The following EXPH5 variants were observed in gnomAD, a reference collection of about 807,000 sequenced individuals.
The protein encoded by EXPH5 is exophilin-5.
In EXPH5, 42 loss-of-function variants were observed where a neutral mutation model predicts 41.1. The observed-to-expected ratio is 1.02, with a 90% CI of 0.80 to 1.32. EXPH5 has a LOEUF of 1.32. Among genes scored for constraint, EXPH5 ranks in the 40% most tolerant of loss-of-function variants. EXPH5 has a pLI of 0.00. For missense variants in EXPH5, 2,298 were observed against 2,314.5 expected, an observed-to-expected ratio of 0.99 and a Z score of 0.15; for synonymous variants, 798 against 833.5, an observed-to-expected ratio of 0.96 and a Z score of 0.73.
chr11:108,511,333 C>A lies in EXPH5; in HGVS notation c.4174G>T (p.Glu1392Ter). 1.9e-6 allele frequency: 3 copies of A among 1,581,654 alleles called. No homozygotes were observed. The highest frequency in any genetic ancestry group is 2.6e-6 in the Non-Finnish European group (3 of 1,168,168). The change falls in exon 6 of 6, where the codon GAA becomes TAA. Residue 1392 changes from glutamate to a stop codon, truncating the protein, a stop_gained. Coordinates refer to ENST00000265843, the MANE Select transcript of EXPH5 (RefSeq NM_015065.3). LOFTEE classifies it low-confidence loss of function (END_TRUNC). ...AGCATCAATGAAGTATGCAGGGTTT[C>A]ACTTTGCAACTTTTTGCCTCTTTCC... ...KKERGKKLQS[E>*]TLHTSLMLQR... is the part of the protein sequence containing the mutation.
At chr11:108,583,461 G>A (rs1003407631) in intron 1 of EXPH5, among the ~76,000 whole-genome samples, 1 of 151,746 alleles carries the variant, frequency 6.6e-6, no homozygotes, top group African/African-American at 2.4e-5. Context: ...TGCAGAAAAA[G>A]CATTTAATAA....
intron 1 of EXPH5, among the ~76,000 whole-genome samples, chr11:108,553,284 G>T: frequency 6.6e-6 from 1 of 152,146 alleles, no homozygotes. Context: ...GAAGGAAAAG[G>T]TAAGTTATCT....
At chr11:108,537,904 TC>T (rs1565806100) in intron 3 of EXPH5, 2 of 832,238 alleles carry the variant, frequency 2.4e-6, no homozygotes, top group Non-Finnish European at 2.9e-6. Flanking sequence ...CAATTTTAAA[TC>T]CCCCAAATGT....
At chr11:108,518,522 G>A (rs1447017015) in intron 4 of EXPH5, 149 bp from the exon 5 acceptor site, 25 of 741,660 alleles carry the variant, frequency 3.4e-5, no homozygotes, top group Non-Finnish European at 4.4e-5. Flanking sequence ...AATTTATAAT[G>A]TGTTGTTTTT....
At chr11:108,518,552 C>T (rs2093742753) in intron 4 of EXPH5, among the ~76,000 whole-genome samples, 179 bp from the exon 5 acceptor site, 1 of 152,214 alleles carries the variant, frequency 6.6e-6, no homozygotes, top group African/African-American at 2.4e-5. Flanking sequence ...AACTGACCTG[C>T]AACTTCTCTA....
At chr11:108,532,367 T>TACA (rs61454000) in intron 3 of EXPH5, among the ~76,000 whole-genome samples, 1 of 20,370 alleles carries the variant, frequency 4.9e-5, no homozygotes, top group African/African-American at 3.1e-4. Flanking sequence ...TATATATATA[T>TACA]TTTTTTTTTT....
chr11:108,512,895 T>G lies in EXPH5; in HGVS notation c.2612A>C (p.Lys871Thr). The change falls in exon 6 of 6, where the codon AAG (lysine) becomes ACG (threonine). Residue 871 changes from lysine to threonine, a missense_variant. Lys to Thr is a moderately conservative substitution (Grantham distance 78). Transcript: ENST00000265843. Reference sequence around the variant, plus strand: ...CAGATCTAAAGAATCACACGAGGTCTTGTGGCCAGGAGTTAACTTGCATTT... The same window carrying G: ...CAGATCTAAAGAATCACACGAGGTCGTGTGGCCAGGAGTTAACTTGCATTT... ...YSKCKLTPGH[K>T]TSCDSLDLSS... The G allele has an allele frequency of 6.2e-7, 1 of 1,613,990 alleles. No homozygotes were observed. Among genetic ancestry groups the G allele is most frequent in the Non-Finnish European group, 8.5e-7 (1 of 1,179,948 alleles).
chr11:108,521,542 T>C (rs2093764965), intron 4 of EXPH5, among the ~76,000 whole-genome samples: 1 of 152,114 alleles, frequency 6.6e-6, no homozygotes, highest in Admixed American at 6.6e-5. Context: ...AGTAAACAAA[T>C]GTTAAAAGCA....
At chr11:108,573,415 GA>G (rs575605540) in intron 1 of EXPH5, among the ~76,000 whole-genome samples, 37 of 152,082 alleles carry the variant, frequency 2.4e-4, no homozygotes, top group African/African-American at 8.7e-4. Flanking sequence ...ATGGGAAGAG[GA>G]AAAAAACTGA....
chr11:108,607,315 A>G, the EXPH5 span, among the ~76,000 whole-genome samples: 1 of 152,204 alleles, frequency 6.6e-6, no homozygotes, highest in East Asian at 1.9e-4. Flanking sequence ...ATGTTTATTA[A>G]ATGTCTTATT....
intron 1 of EXPH5, among the ~76,000 whole-genome samples, chr11:108,577,656 C>T (rs1845745258): frequency 6.6e-6 from 1 of 152,154 alleles, no homozygotes; most frequent in Non-Finnish European, 1.5e-5. Flanking sequence ...CTCCTGACCT[C>T]AGGTAATCTG....
rs1555192497 is a variant in EXPH5 at position 108,532,339 on chromosome 11, G to GATATATATATATACAT, written c.444-4156_444-4155insATGTATATATATATAT. 8.5e-5 allele frequency among the ~76,000 whole-genome samples: 2 copies of GATATATATATATACAT among 23,426 alleles called. 1 individual carries two copies. Among genetic ancestry groups the GATATATATATATACAT allele is most frequent in the Admixed American group, 1.4e-3 (2 of 1,432 alleles). The allele number at this position is 23,426 out of a possible 152,430, so 15.4% of individuals were successfully genotyped here. On this transcript the variant is annotated intron_variant, in intron 3 of 5. Transcript: ENST00000265843. ...ACTACTGGTGTGCACCACCACACTG[G>GATATATATATATACAT]ATATATATATATATATATATATATA...
Position 108,535,785 on chromosome 11 carries a change from T to G in EXPH5, c.443+3239A>C, listed in dbSNP as rs143781439. On this transcript the variant is annotated intron_variant, in intron 3 of 5. Coordinates refer to ENST00000265843, the MANE Select transcript of EXPH5 (RefSeq NM_015065.3). ...GGTGGATCCACCAAGGCTCTTTGCA[T>G]CTGAAGGGCAACGCATATCACTTAT... Among the ~76,000 whole-genome samples the G allele has an allele frequency of 7.4e-3, 1,123 of 152,292 alleles. 16 individuals carry two copies. Among genetic ancestry groups the G allele is most frequent in the African/African-American group, 0.025 (1,055 of 41,562 alleles).
At chr11:108,520,024 T>C (rs1591680212) in intron 4 of EXPH5, among the ~76,000 whole-genome samples, 1 of 145,670 alleles carries the variant, frequency 6.9e-6, no homozygotes, top group South Asian at 2.2e-4. Flanking sequence ...CTATTAGAGG[T>C]CATCTAGAAT....
intron 1 of EXPH5, among the ~76,000 whole-genome samples, chr11:108,577,434 T>C (rs562507571): frequency 1.3e-5 from 2 of 152,204 alleles, no homozygotes; most frequent in Non-Finnish European, 2.9e-5. Context: ...TTTTTGTTTT[T>C]TTTGGTGAGA....
rs923486446 is a variant in EXPH5, at chr11:108,551,611, C to A, written c.120-9799G>T. On this transcript the variant is annotated intron_variant, in intron 1 of 5. Coordinates refer to ENST00000265843, the MANE Select transcript of EXPH5 (RefSeq NM_015065.3). ...TACAGCTGATCTTCGCGGACCTGAC[C>A]GTCTTGTTACACCTCGTTCTCCTTC... 2.6e-5 allele frequency among the ~76,000 whole-genome samples: 4 copies of A among 151,958 alleles called. 1 individual carries two copies. In the South Asian group the frequency reaches 8.3e-4, roughly 32 times the overall value.
chr11:108,539,283 T>C, intron 2 of EXPH5, 97 bp from the exon 3 acceptor site: 1 of 911,462 alleles, frequency 1.1e-6, no homozygotes. Flanking sequence ...TTCTCCCTCT[T>C]ATGCAGACTA....
At chr11:108,592,395 C>T (rs887698324) in intron 1 of EXPH5, among the ~76,000 whole-genome samples, 1 of 152,044 alleles carries the variant, frequency 6.6e-6, no homozygotes, top group Non-Finnish European at 1.5e-5. Context: ...GGGGGACAGG[C>T]AATTCTAGAA....
chr11:108,568,184 G>GGA (rs1468353122), intron 1 of EXPH5: 1 of 147,828 alleles, frequency 6.8e-6, no homozygotes, highest in Admixed American at 6.7e-5. Flanking sequence ...TTGGGAGGGG[G>GGA]GGAGGGCGTC....
Sources: gnomAD v4.1 joint callset for allele counts (sites outside exome capture counted in the v4.1 genomes callset) on GRCh38, gnomAD v4.1.1 for gene constraint, MANE v1.5 for transcripts, NCBI Gene and HGNC (gene_info 2026-07-23, HGNC 2026-07-21) for gene names.